Variants in PLXDC2 observed in about 807,000 individuals in gnomAD.
PLXDC2 encodes the protein plexin domain containing 2, also known as plexin domain-containing protein 2.
Under a neutral mutation model 68.9 loss-of-function variants are expected in PLXDC2, and 40 were observed. The ratio of observed to expected loss-of-function variants is 0.58; its 90% CI spans 0.45 to 0.76. PLXDC2 has a LOEUF of 0.76. Among genes scored for constraint, PLXDC2 ranks in the 30% least tolerant of loss-of-function variants. The pLI, the probability that PLXDC2 is intolerant of heterozygous loss-of-function variation, is 0.00. For synonymous variants in PLXDC2, 243 were observed against 234.2 expected (o/e 1.04, Z -0.34); for missense variants, 644 against 661.9 (o/e 0.97, Z 0.30).
chr10:20,155,097 G>T lies in PLXDC2; in HGVS notation c.783+7195G>T, dbSNP rs532064218. Among the ~76,000 whole-genome samples, 3 of 152,248 alleles carry T rather than the reference G, an allele frequency of 2.0e-5. No homozygotes were observed. The South Asian group carries it at 6.2e-4, about 32-fold the overall frequency. On this transcript the variant is annotated intron_variant, in intron 6 of 13. Transcript: ENST00000377252. ...AATGTTCCTTGGTGTCACATTTGCT[G>T]CTTCTATGGAAGAATGCATAGTTAA...
chr10:19,919,569 A>T (rs960906114), intron 1 of PLXDC2, among the ~76,000 whole-genome samples: 5 of 152,262 alleles, frequency 3.3e-5, no homozygotes, highest in Non-Finnish European at 7.3e-5. Flanking sequence ...AAGCAAAATG[A>T]ATTCAGAGAA....
chr10:20,203,796 A>C (rs1396185699), intron 9 of PLXDC2, among the ~76,000 whole-genome samples: 1 of 152,206 alleles, frequency 6.6e-6, no homozygotes, highest in Non-Finnish European at 1.5e-5. Flanking sequence ...GGATGACTAC[A>C]TTCTGGTGAT....
chr10:20,023,921 C>A (rs1384199113), intron 2 of PLXDC2, among the ~76,000 whole-genome samples: 1 of 152,034 alleles, frequency 6.6e-6, no homozygotes, highest in East Asian at 1.9e-4. Context: ...GACTTCATTA[C>A]CCTAGAAATA....
chr10:19,987,722 C>T (rs1361845799), intron 1 of PLXDC2, among the ~76,000 whole-genome samples: 1 of 151,588 alleles, frequency 6.6e-6, no homozygotes, highest in Non-Finnish European at 1.5e-5. Context: ...CCACCACCCC[C>T]GGCTATTTTT....
intron 1 of PLXDC2, among the ~76,000 whole-genome samples, chr10:19,932,149 T>C (rs778649103): frequency 8.5e-5 from 13 of 152,308 alleles, no homozygotes; most frequent in Non-Finnish European, 1.8e-4. Flanking sequence ...GATGACATAG[T>C]GTTCGCTATT....
At chr10:20,120,137 G>A (rs898324970) in intron 4 of PLXDC2, among the ~76,000 whole-genome samples, 2 of 152,098 alleles carry the variant, frequency 1.3e-5, no homozygotes, top group Non-Finnish European at 2.9e-5. Context: ...ACGGTGAATA[G>A]GAGTATGACT....
chr10:19,892,889 G>A (rs1354080361), intron 1 of PLXDC2, among the ~76,000 whole-genome samples: 1 of 151,254 alleles, frequency 6.6e-6, no homozygotes, highest in Non-Finnish European at 1.5e-5. Flanking sequence ...GGAGGAGCCT[G>A]GCTTTCTTAC....
chr10:19,951,633 C>A (rs1408601591), intron 1 of PLXDC2, among the ~76,000 whole-genome samples: 4 of 152,210 alleles, frequency 2.6e-5, no homozygotes, highest in African/African-American at 4.8e-5. Flanking sequence ...TTCTACCCAG[C>A]AATCCCATTA....
intron 1 of PLXDC2, among the ~76,000 whole-genome samples, chr10:19,967,913 A>G (rs1834290113): frequency 6.6e-6 from 1 of 152,244 alleles, no homozygotes; most frequent in Admixed American, 6.5e-5. Flanking sequence ...TGTTGATGAA[A>G]CAGATCTGAT....
intron 1 of PLXDC2, among the ~76,000 whole-genome samples, chr10:19,845,122 G>A (rs1398434521): frequency 6.6e-6 from 1 of 152,084 alleles, no homozygotes; most frequent in Non-Finnish European, 1.5e-5. Context: ...CCAACCTGTG[G>A]GGCAGGTCAC....
At chr10:19,964,806 T>C (rs12411762) in intron 1 of PLXDC2, among the ~76,000 whole-genome samples, 48,761 of 151,946 alleles carry the variant, frequency 0.32, 8,164 homozygotes, top group East Asian at 0.45. Flanking sequence ...GCTCTTTCCC[T>C]GCATTCTATG....
intron 2 of PLXDC2, among the ~76,000 whole-genome samples, chr10:20,032,084 G>A (rs1482653095): frequency 6.6e-6 from 1 of 152,156 alleles, no homozygotes; most frequent in African/African-American, 2.4e-5. Flanking sequence ...GCCTTCCAAA[G>A]TGCTGGGATT....
chr10:20,167,992 A>G (rs886906527), intron 7 of PLXDC2, among the ~76,000 whole-genome samples: 8 of 152,186 alleles, frequency 5.3e-5, no homozygotes, highest in Non-Finnish European at 1.2e-4. Context: ...AATTTCAAGC[A>G]TGATTAATTA....
intron 2 of PLXDC2, among the ~76,000 whole-genome samples, chr10:20,024,166 G>A (rs1477883408): frequency 6.6e-6 from 1 of 152,028 alleles, no homozygotes; most frequent in East Asian, 1.9e-4. Context: ...CCTCTATATG[G>A]TTTAAAAACT....
intron 10 of PLXDC2, among the ~76,000 whole-genome samples, chr10:20,216,363 A>G (rs1370460703): frequency 6.6e-6 from 1 of 152,150 alleles, no homozygotes; most frequent in Admixed American, 6.5e-5. Flanking sequence ...CTAAAGTGGT[A>G]TCTGAAAGGA....
chr10:19,911,658 A>C (rs1833273447), intron 1 of PLXDC2, among the ~76,000 whole-genome samples: 1 of 152,204 alleles, frequency 6.6e-6, no homozygotes, highest in South Asian at 2.1e-4. Context: ...GAAATGAAAT[A>C]ACCTCCCCAT....
At chr10:20,059,362 G>A (rs2131697234) in intron 3 of PLXDC2, among the ~76,000 whole-genome samples, 1 of 152,300 alleles carries the variant, frequency 6.6e-6, no homozygotes, top group South Asian at 2.1e-4. Flanking sequence ...AGCTACTGTA[G>A]TCATGTGTTT....
intron 1 of PLXDC2, among the ~76,000 whole-genome samples, chr10:19,990,070 T>C (rs1834721053): frequency 6.6e-6 from 1 of 152,080 alleles, no homozygotes; most frequent in Non-Finnish European, 1.5e-5. Context: ...TAGAATGAGG[T>C]CATGCTTACT....
intron 9 of PLXDC2, among the ~76,000 whole-genome samples, chr10:20,179,869 T>G (rs184893784): frequency 2.7e-4 from 41 of 152,174 alleles, no homozygotes; most frequent in Admixed American, 8.5e-4. Context: ...CAGGGTCTCA[T>G]AGCTCATAAG....
Sources: allele counts gnomAD v4.1 joint callset (sites outside exome capture counted in the v4.1 genomes callset), GRCh38; gene constraint gnomAD v4.1.1; transcripts MANE v1.5; gene names NCBI Gene and HGNC (gene_info 2026-07-23, HGNC 2026-07-21).